CDH11: variants seen among roughly 807,000 people sequenced by gnomAD.
CDH11 encodes the protein cadherin-11.
A neutral mutation model predicts 67.8 loss-of-function variants in CDH11; 11 were observed. The ratio of observed to expected loss-of-function variants is 0.16; its 90% CI spans 0.10 to 0.27. The LOEUF (loss-of-function observed/expected upper bound fraction) is 0.27, where lower values mean the gene tolerates loss of function less well. Among genes scored for constraint, CDH11 ranks in the 10% least tolerant of loss-of-function variants. The pLI, the probability that CDH11 is intolerant of heterozygous loss-of-function variation, is 1.00. For synonymous variants in CDH11, 419 were observed against 400.0 expected (o/e 1.05, Z -0.57); for missense variants, 847 against 1,031.2 (o/e 0.82, Z 2.45).
At chr16:65,068,060 GA>G (rs1305563637) in intron 1 of CDH11, among the ~76,000 whole-genome samples, 1 of 113,920 alleles carries the variant, frequency 8.8e-6, no homozygotes, top group African/African-American at 3.2e-5. Flanking sequence ...GGAAGGGAGG[GA>G]GGGGGCAGGG....
At chr16:65,031,660 G>C (rs999246228) in intron 2 of CDH11, among the ~76,000 whole-genome samples, 1 of 152,196 alleles carries the variant, frequency 6.6e-6, no homozygotes, top group Admixed American at 6.5e-5. Context: ...GCTTGCTCAA[G>C]AAAGAGGAAA....
chr16:65,072,534 A>G (rs1040270), intron 1 of CDH11, among the ~76,000 whole-genome samples: 47,476 of 151,932 alleles, frequency 0.31, 8,369 homozygotes, highest in Middle Eastern at 0.43. Flanking sequence ...TTGGCAGCCA[A>G]AATTTTATGG....
At chr16:65,009,368 C>A (rs2073129553) in intron 2 of CDH11, among the ~76,000 whole-genome samples, 1 of 152,160 alleles carries the variant, frequency 6.6e-6, no homozygotes, top group Admixed American at 6.5e-5. Context: ...CTTTAAACAA[C>A]ATATGACACA....
intron 11 of CDH11, among the ~76,000 whole-genome samples, chr16:64,970,817 C>T (rs1034758852): frequency 8.5e-5 from 13 of 152,144 alleles, no homozygotes; most frequent in African/African-American, 3.1e-4. Flanking sequence ...CAGGCCTGCA[C>T]CTTCACAAAC....
intron 2 of CDH11, among the ~76,000 whole-genome samples, chr16:65,046,521 C>T (rs2073965124): frequency 6.6e-6 from 1 of 152,202 alleles, no homozygotes; most frequent in African/African-American, 2.4e-5. Context: ...ATTTCGAGAA[C>T]ATCTTATGTT....
chr16:64,946,434 C>A lies in CDH11; in HGVS notation c.*1169G>T. The A allele has an allele frequency of 5.8e-6, 6 of 1,034,118 alleles. No individual in the cohort carries two copies. Among genetic ancestry groups the A allele is most frequent in the Non-Finnish European group, 7.0e-6 (6 of 859,338 alleles). The allele number at this position is 1,034,118 out of a possible 1,614,324, so 64.1% of individuals were successfully genotyped here. A position where few individuals can be genotyped will look rare whatever the true frequency, so the allele number is the denominator to read the frequency against. ...TCCCTCATGGATTCATCTCTCATAA[C>A]CATCAAATTACTGATATACAAGATA... On this transcript the variant is annotated 3_prime_UTR_variant, in exon 13 of 13. Coordinates refer to ENST00000268603, the MANE Select transcript of CDH11 (RefSeq NM_001797.4).
At chr16:65,097,903 G>A (rs938256394) in intron 1 of CDH11, among the ~76,000 whole-genome samples, 55 of 152,080 alleles carry the variant, frequency 3.6e-4, no homozygotes, top group Admixed American at 2.5e-3. Flanking sequence ...CTGTGATTTC[G>A]CCCAATAACT....
chr16:65,036,583 C>A (rs920579147), intron 2 of CDH11, among the ~76,000 whole-genome samples: 2 of 152,096 alleles, frequency 1.3e-5, no homozygotes, highest in African/African-American at 4.8e-5. Flanking sequence ...CACTGCTTAC[C>A]ACAACCCATG....
At chr16:65,015,601 A>G (rs183663836) in intron 2 of CDH11, among the ~76,000 whole-genome samples, 8 of 152,234 alleles carry the variant, frequency 5.3e-5, no homozygotes, top group South Asian at 4.2e-4. Flanking sequence ...AACTATTTCT[A>G]TGGAAACAAC....
chr16:65,052,387 T>C (rs1216997631), intron 2 of CDH11, among the ~76,000 whole-genome samples: 2 of 152,188 alleles, frequency 1.3e-5, no homozygotes, highest in African/African-American at 4.8e-5. Context: ...TCTTAGGCTA[T>C]TAGAAATAGC....
Position 65,094,034 on chromosome 16 carries a change from T to C in CDH11, c.-298+27846A>G, listed in dbSNP as rs777267340. Reference sequence around the variant, plus strand: ...TTGGCCTTGTGAAGAGCTCAAATACTAAGGCCCATTTACTAACCCATTTAT... The same window carrying C: ...TTGGCCTTGTGAAGAGCTCAAATACCAAGGCCCATTTACTAACCCATTTAT... On this transcript the variant is annotated intron_variant, in intron 1 of 12. Coordinates refer to ENST00000268603, the MANE Select transcript of CDH11 (RefSeq NM_001797.4). Among the ~76,000 whole-genome samples, 3 of 152,202 alleles carry C rather than the reference T, an allele frequency of 2.0e-5. 1 individual carries two copies. In the South Asian group the frequency reaches 6.2e-4, roughly 31 times the overall value.
intron 1 of CDH11, among the ~76,000 whole-genome samples, chr16:65,101,887 AT>A (rs149102799): frequency 1.2e-3 from 182 of 152,340 alleles, no homozygotes; most frequent in African/African-American, 4.3e-3. Context: ...CTTTCGCTAA[AT>A]GAATGAATGG....
At chr16:65,010,602 T>C (rs927650297) in intron 2 of CDH11, among the ~76,000 whole-genome samples, 1 of 152,148 alleles carries the variant, frequency 6.6e-6, no homozygotes, top group African/African-American at 2.4e-5. Flanking sequence ...CAATTTCTAA[T>C]ACCAAATTCA....
At chr16:64,951,216 G>T (rs541707741) in intron 11 of CDH11, among the ~76,000 whole-genome samples, 198 bp from the exon 12 acceptor site, 2 of 152,186 alleles carry the variant, frequency 1.3e-5, no homozygotes, top group Non-Finnish European at 2.9e-5. Flanking sequence ...TCTGCATTTT[G>T]GAATAAATCT....
intron 4 of CDH11, 101 bp from the exon 5 acceptor site, chr16:64,993,135 C>A: frequency 1.1e-6 from 1 of 922,934 alleles, no homozygotes; most frequent in Non-Finnish European, 1.7e-6. Flanking sequence ...AAGAAGGCAC[C>A]ACAATTATTC....
At chr16:65,077,938 T>C (rs145432040) in intron 1 of CDH11, among the ~76,000 whole-genome samples, 1 of 152,218 alleles carries the variant, frequency 6.6e-6, no homozygotes, top group African/African-American at 2.4e-5. Flanking sequence ...AACACCAGAA[T>C]TGACTTCATT....
rs1003468886 is a variant in CDH11, at chr16:64,946,694, T to C, written c.*909A>G. 1 of 942,362 alleles carries C rather than the reference T, an allele frequency of 1.1e-6. No individual in the cohort carries two copies. Among genetic ancestry groups the C allele is most frequent in the Non-Finnish European group, 1.3e-6 (1 of 778,092 alleles). 58.4% of individuals were successfully genotyped at this position (942,362 alleles called of 1,614,324 possible). A position where few individuals can be genotyped will look rare whatever the true frequency, so the allele number is the denominator to read the frequency against. On this transcript the variant is annotated 3_prime_UTR_variant, in exon 13 of 13. Transcript: ENST00000268603. Reference sequence around the variant, plus strand: ...CAACAACAGATCATAAATAGGGTTATTAAAAGATCACAATTAAATTAGAAA... The same window carrying C: ...CAACAACAGATCATAAATAGGGTTACTAAAAGATCACAATTAAATTAGAAA...
intron 6 of CDH11, chr16:64,991,324 G>A (rs926258106): frequency 6.3e-6 from 1 of 157,564 alleles, no homozygotes; most frequent in Non-Finnish European, 1.4e-5. Context: ...CCAAATTCCA[G>A]ACACATGATA....
At chr16:65,072,483 C>T (rs2142771321) in intron 1 of CDH11, among the ~76,000 whole-genome samples, 1 of 152,338 alleles carries the variant, frequency 6.6e-6, no homozygotes, top group African/African-American at 2.4e-5. Context: ...TTTGTCTTCC[C>T]TTGAACTAAC....
Sources: gnomAD v4.1 joint callset for allele counts (sites outside exome capture counted in the v4.1 genomes callset) on GRCh38, gnomAD v4.1.1 for gene constraint, MANE v1.5 for transcripts, NCBI Gene and HGNC (gene_info 2026-07-23, HGNC 2026-07-21) for gene names.